The following GPC5 variants were observed in gnomAD, a reference collection of about 807,000 sequenced individuals.
The protein encoded by GPC5 is glypican-5.
GPC5 carries 47 observed loss-of-function variants against 53.9 expected under a neutral mutation model. The observed-to-expected ratio is 0.87, with a 90% CI of 0.69 to 1.11. GPC5 has a LOEUF of 1.11. Among genes scored for constraint, GPC5 ranks in the 50% most tolerant of loss-of-function variants. GPC5 has a pLI of 0.00. For missense variants in GPC5, 748 were observed against 713.1 expected (o/e 1.05, Z -0.56); for synonymous variants, 286 against 263.3 (o/e 1.09, Z -0.84).
intron 6 of GPC5, among the ~76,000 whole-genome samples, chr13:92,021,544 T>G (rs1253877146): frequency 6.6e-6 from 1 of 152,208 alleles, no homozygotes; most frequent in African/African-American, 2.4e-5. Flanking sequence ...TCTACAGATT[T>G]GCTGTATAAC....
chr13:92,521,969 A>T (rs1035092487), intron 7 of GPC5, among the ~76,000 whole-genome samples: 1 of 152,214 alleles, frequency 6.6e-6, no homozygotes, highest in Non-Finnish European at 1.5e-5. Context: ...TGGGTGAAGG[A>T]TATGAACAGA....
intron 6 of GPC5, among the ~76,000 whole-genome samples, chr13:91,960,528 C>A (rs532608606): frequency 6.6e-6 from 1 of 151,814 alleles, no homozygotes; most frequent in African/African-American, 2.4e-5. Flanking sequence ...TATAAAAAGA[C>A]CAATTTCATT....
intron 7 of GPC5, among the ~76,000 whole-genome samples, chr13:92,249,926 T>C (rs1461602127): frequency 6.6e-6 from 1 of 152,156 alleles, no homozygotes; most frequent in Non-Finnish European, 1.5e-5. Context: ...TCTTATATGA[T>C]AAATATGATT....
intron 7 of GPC5, among the ~76,000 whole-genome samples, chr13:92,841,241 T>G (rs1878418869): frequency 6.6e-6 from 1 of 152,160 alleles, no homozygotes; most frequent in Non-Finnish European, 1.5e-5. Context: ...ACAGTCAGTC[T>G]TATTAAACAA....
intron 7 of GPC5, among the ~76,000 whole-genome samples, chr13:92,433,444 C>T (rs553013921): frequency 3.3e-4 from 50 of 152,194 alleles, no homozygotes; most frequent in Non-Finnish European, 6.5e-4. Context: ...TATTATAGTG[C>T]ATCAGATGGA....
intron 4 of GPC5, among the ~76,000 whole-genome samples, chr13:91,743,149 C>T (rs546426134): frequency 4.7e-4 from 72 of 152,016 alleles, no homozygotes; most frequent in African/African-American, 1.6e-3. Flanking sequence ...TTGCTTTTCT[C>T]CCAACAAGTG....
At chr13:92,401,177 A>ATTT (rs76161192) in intron 7 of GPC5, among the ~76,000 whole-genome samples, 50 of 140,754 alleles carry the variant, frequency 3.6e-4, no homozygotes, top group East Asian at 1.4e-3. Context: ...CTAGCCATCT[A>ATTT]TTTTTTTTTT....
intron 7 of GPC5, among the ~76,000 whole-genome samples, chr13:92,697,952 A>G (rs1400767839): frequency 1.3e-5 from 2 of 152,162 alleles, no homozygotes. Flanking sequence ...TATTGAGATA[A>G]TCATGTGGTT....
intron 6 of GPC5, among the ~76,000 whole-genome samples, chr13:91,983,758 C>T (rs966860875): frequency 1.3e-5 from 2 of 152,170 alleles, no homozygotes; most frequent in African/African-American, 4.8e-5. Flanking sequence ...TTACTACCTA[C>T]TGTCCAGGGG....
intron 1 of GPC5, among the ~76,000 whole-genome samples, chr13:91,410,330 G>A (rs914803862): frequency 4.1e-5 from 6 of 144,914 alleles, no homozygotes; most frequent in Admixed American, 1.4e-4. Flanking sequence ...TAGTAGAATC[G>A]TTTCCATTCT....
intron 7 of GPC5, among the ~76,000 whole-genome samples, chr13:92,597,811 T>C (rs1433025562): frequency 1.3e-5 from 2 of 152,222 alleles, no homozygotes; most frequent in Non-Finnish European, 2.9e-5. Flanking sequence ...AAAATACTTT[T>C]TACTGTGGCA....
At chr13:92,534,192 T>C (rs1477862314) in intron 7 of GPC5, among the ~76,000 whole-genome samples, 1 of 152,050 alleles carries the variant, frequency 6.6e-6, no homozygotes, top group Non-Finnish European at 1.5e-5. Flanking sequence ...GAGGTTGAGA[T>C]AGGATGGTCG....
intron 4 of GPC5, among the ~76,000 whole-genome samples, chr13:91,748,528 CA>C (rs1225837277): frequency 6.6e-6 from 1 of 152,188 alleles, no homozygotes; most frequent in Non-Finnish European, 1.5e-5. Flanking sequence ...GGGGCTAATT[CA>C]AAAAGAATTT....
At chr13:91,477,168 A>G (rs898449834) in intron 2 of GPC5, among the ~76,000 whole-genome samples, 1 of 152,174 alleles carries the variant, frequency 6.6e-6, no homozygotes, top group African/African-American at 2.4e-5. Context: ...TTATATATAT[A>G]TATCTTTTGT....
chr13:91,692,481 T>C (rs1289412955), intron 2 of GPC5, among the ~76,000 whole-genome samples: 2 of 152,168 alleles, frequency 1.3e-5, no homozygotes, highest in South Asian at 4.1e-4. Flanking sequence ...TATAAAAATA[T>C]AGCAGGTGGT....
chr13:92,624,188 GC>G (rs1884972479), intron 7 of GPC5, among the ~76,000 whole-genome samples: 1 of 151,680 alleles, frequency 6.6e-6, no homozygotes, highest in South Asian at 2.1e-4. Flanking sequence ...TCCTGCCTTG[GC>G]CCCCCTAGTA....
chr13:92,203,871 A>G (rs941038355), intron 7 of GPC5, among the ~76,000 whole-genome samples: 1 of 151,784 alleles, frequency 6.6e-6, no homozygotes, highest in Non-Finnish European at 1.5e-5. Context: ...AAAATCAAAG[A>G]GAAAATAATA....
chr13:92,764,138 A>G (rs1478306797), intron 7 of GPC5, among the ~76,000 whole-genome samples: 3 of 152,176 alleles, frequency 2.0e-5, no homozygotes, highest in Non-Finnish European at 2.9e-5. Context: ...CTAGAAGGCA[A>G]TGTACTGCTT....
chr13:91,572,570 G>T lies in GPC5; in HGVS notation c.326-120617G>T, dbSNP rs576064482. Among the ~76,000 whole-genome samples, 6 of 152,030 alleles carry T rather than the reference G, an allele frequency of 3.9e-5. No homozygotes were observed. In the South Asian group the frequency reaches 1.2e-3, roughly 32 times the overall value. On this transcript the variant is annotated intron_variant, in intron 2 of 7. Coordinates refer to ENST00000377067, the MANE Select transcript of GPC5 (RefSeq NM_004466.6). ...GAGCAAGAGAGGGGAGGAGGTGCCA[G>T]GCTCTTTAAACAACCAGCTCTCAGA... is the stretch of plus-strand genomic sequence containing the variant.
Sources: gnomAD v4.1 joint callset for allele counts (sites outside exome capture counted in the v4.1 genomes callset) on GRCh38, gnomAD v4.1.1 for gene constraint, MANE v1.5 for transcripts, NCBI Gene and HGNC (gene_info 2026-07-23, HGNC 2026-07-21) for gene names.